The following SFMBT2 variants were observed in gnomAD, a reference collection of about 807,000 sequenced individuals.
The protein encoded by SFMBT2 is scm-like with four MBT domains protein 2.
A neutral mutation model predicts 110.1 loss-of-function variants in SFMBT2; 38 were observed. That is an observed-to-expected ratio of 0.35 (90% CI 0.27 to 0.45). SFMBT2 has a LOEUF of 0.45. Ranked by LOEUF, SFMBT2 falls within the 20% of genes least tolerant of loss-of-function variation. The pLI is 1.00. For missense variants in SFMBT2, 1,011 were observed against 1,094.9 expected (o/e 0.92, Z 1.08); for synonymous variants, 425 against 425.4 (o/e 1.00, Z 0.01).
intron 4 of SFMBT2, among the ~76,000 whole-genome samples, chr10:7,358,485 G>A (rs957139808): frequency 3.5e-5 from 5 of 143,052 alleles, no homozygotes; most frequent in Admixed American, 7.0e-5. Flanking sequence ...CTAGAACACC[G>A]GCATGGCCCT....
In SFMBT2 at chr10:7,158,662, A is replaced by T. The variant is rs1837474987; in HGVS notation, c.*5108T>A. 6.6e-6 allele frequency: 1 copy of T among 152,194 alleles called. No individual in the cohort carries two copies. The highest frequency in any genetic ancestry group is 1.5e-5 in the Non-Finnish European group (1 of 68,024). The allele number at this position is 152,194 out of a possible 1,614,324, so 9.4% of individuals were successfully genotyped here. A position where few individuals can be genotyped will look rare whatever the true frequency, so the allele number is the denominator to read the frequency against. On this transcript the variant is annotated 3_prime_UTR_variant, in exon 21 of 21. Transcript: ENST00000397167. ...TACTTTATTAACAATGTGGCTTACA[A>T]TTTTTTTGAAGTAAAAAGGGTTTTT...
intron 16 of SFMBT2, among the ~76,000 whole-genome samples, chr10:7,179,733 G>A (rs1439595317): frequency 2.0e-5 from 3 of 152,226 alleles, no homozygotes; most frequent in South Asian, 2.1e-4. Context: ...ACACACACGC[G>A]CTGCCACATC....
intron 5 of SFMBT2, chr10:7,285,634 C>A: frequency 2.1e-6 from 1 of 482,588 alleles, no homozygotes; most frequent in South Asian, 2.5e-5. Flanking sequence ...ATTGGATTCA[C>A]ATAGAGCAAA....
chr10:7,173,251 CCT>C (rs1284548148), intron 17 of SFMBT2, among the ~76,000 whole-genome samples: 6 of 152,174 alleles, frequency 3.9e-5, no homozygotes, highest in African/African-American at 1.4e-4. Flanking sequence ...GGAGTTTATC[CCT>C]GTCTGGACCC....
intron 20 of SFMBT2, among the ~76,000 whole-genome samples, chr10:7,167,124 T>C (rs951256258): frequency 6.6e-6 from 1 of 152,174 alleles, no homozygotes; most frequent in African/African-American, 2.4e-5. Flanking sequence ...AATGGAGGTA[T>C]TGAGATCTAG....
intron 1 of SFMBT2, among the ~76,000 whole-genome samples, chr10:7,391,229 A>G (rs1845755555): frequency 6.6e-6 from 1 of 151,848 alleles, no homozygotes; most frequent in South Asian, 2.1e-4. Context: ...GCACTTTGGA[A>G]GCCCAAGGCG....
intron 1 of SFMBT2, among the ~76,000 whole-genome samples, chr10:7,385,269 AG>A (rs1214965010): frequency 6.6e-6 from 1 of 152,210 alleles, no homozygotes; most frequent in Non-Finnish European, 1.5e-5. Context: ...ATGAGATGAC[AG>A]GATCACGTGG....
At chr10:7,185,426 A>G (rs1365169559) in intron 16 of SFMBT2, among the ~76,000 whole-genome samples, 1 of 152,268 alleles carries the variant, frequency 6.6e-6, no homozygotes, top group Non-Finnish European at 1.5e-5. Flanking sequence ...GACAGTTCAT[A>G]AGACAAATGC....
At chr10:7,383,867 G>A (rs1247237564) in intron 1 of SFMBT2, among the ~76,000 whole-genome samples, 1 of 152,080 alleles carries the variant, frequency 6.6e-6, no homozygotes, top group African/African-American at 2.4e-5. Context: ...TGAGAGCTAT[G>A]GGTAAAATGC....
intron 4 of SFMBT2, among the ~76,000 whole-genome samples, chr10:7,309,024 G>C (rs1305543854): frequency 6.6e-6 from 1 of 152,184 alleles, no homozygotes; most frequent in Admixed American, 6.5e-5. Flanking sequence ...GTGTCAACTT[G>C]ACTGGACCAC....
intron 16 of SFMBT2, among the ~76,000 whole-genome samples, chr10:7,179,790 G>C (rs1322158771): frequency 6.6e-6 from 1 of 152,240 alleles, no homozygotes; most frequent in East Asian, 1.9e-4. Flanking sequence ...ACAGAACCAG[G>C]CTGGCTTAAT....
At chr10:7,254,271 T>A (rs1840920519) in intron 7 of SFMBT2, among the ~76,000 whole-genome samples, 1 of 152,006 alleles carries the variant, frequency 6.6e-6, no homozygotes, top group African/African-American at 2.4e-5. Context: ...TAAGCACTGA[T>A]CAGAAACCAC....
intron 7 of SFMBT2, among the ~76,000 whole-genome samples, chr10:7,270,649 A>G (rs893758452): frequency 6.6e-6 from 1 of 152,254 alleles, no homozygotes; most frequent in Non-Finnish European, 1.5e-5. Context: ...AATATTCAGT[A>G]TCTGCTCTTA....
intron 1 of SFMBT2, among the ~76,000 whole-genome samples, chr10:7,388,776 G>T (rs1845690340): frequency 6.6e-6 from 1 of 152,116 alleles, no homozygotes; most frequent in Non-Finnish European, 1.5e-5. Context: ...CTGAGCCCAG[G>T]TGAGAAGAGA....
chr10:7,379,156 G>A (rs1015371946), intron 2 of SFMBT2, among the ~76,000 whole-genome samples: 9 of 152,064 alleles, frequency 5.9e-5, no homozygotes, highest in Non-Finnish European at 1.5e-5. Context: ...CTATCATCGC[G>A]AGTCAGTTCA....
intron 1 of SFMBT2, among the ~76,000 whole-genome samples, chr10:7,399,630 CACTT>C (rs1846019812): frequency 1.3e-5 from 2 of 152,246 alleles, no homozygotes; most frequent in Non-Finnish European, 2.9e-5. Flanking sequence ...AAAACACCCT[CACTT>C]ACTATGGTCA....
At chr10:7,225,515 G>A (rs1839874242) in intron 10 of SFMBT2, among the ~76,000 whole-genome samples, 2 of 152,220 alleles carry the variant, frequency 1.3e-5, no homozygotes, top group South Asian at 2.1e-4. Context: ...TTACATAAAC[G>A]GAGTGCCAGA....
At chr10:7,342,610 C>CTTGTTAGCCAGG (rs1018103775) in intron 4 of SFMBT2, among the ~76,000 whole-genome samples, 25 of 152,018 alleles carry the variant, frequency 1.6e-4, no homozygotes, top group Admixed American at 1.2e-3. Flanking sequence ...AGGGTTTCAC[C>CTTGTTAGCCAGG]ATGGTCTCGA....
intron 16 of SFMBT2, chr10:7,176,386 T>G (rs1156357705): frequency 3.2e-5 from 25 of 783,950 alleles, no homozygotes; most frequent in Non-Finnish European, 3.6e-5. Flanking sequence ...CAGAATCCAC[T>G]TCCATAAACA....
Sources: allele counts gnomAD v4.1 joint callset (sites outside exome capture counted in the v4.1 genomes callset), GRCh38; gene constraint gnomAD v4.1.1; transcripts MANE v1.5; gene names NCBI Gene and HGNC (gene_info 2026-07-23, HGNC 2026-07-21).